Variants in SMAD3 observed in about 807,000 individuals in gnomAD.
The protein encoded by SMAD3 is SMAD family member 3.
Under a neutral mutation model 51.8 loss-of-function variants are expected in SMAD3, and 12 were observed. The ratio of observed to expected loss-of-function variants is 0.23; its 90% confidence interval spans 0.15 to 0.38. The LOEUF (loss-of-function observed/expected upper bound fraction) is 0.38, where lower values mean the gene tolerates loss of function less well. Ranked by LOEUF, SMAD3 falls within the 10% of genes least tolerant of loss-of-function variation. The pLI is 1.00. For missense variants in SMAD3, 294 were observed against 565.6 expected, an observed-to-expected ratio of 0.52 and a Z score of 4.87; for synonymous variants, 238 against 227.7, an observed-to-expected ratio of 1.05 and a Z score of -0.41.
At chr15:67,074,344 A>T (rs1960121250) in intron 1 of SMAD3, among the ~76,000 whole-genome samples, 1 of 152,266 alleles carries the variant, frequency 6.6e-6, no homozygotes, top group South Asian at 2.1e-4. Context: ...ATGCCTAAAA[A>T]TGGTTAAATG....
chr15:67,130,297 C>T (rs576577859), intron 1 of SMAD3, among the ~76,000 whole-genome samples: 37 of 152,294 alleles, frequency 2.4e-4, no homozygotes, highest in African/African-American at 8.2e-4. Context: ...TACTAGGTGC[C>T]TTCCACTCAC....
chr15:67,190,431 T>C lies in SMAD3; in HGVS notation c.1173T>C (p.Ser391=). 6.2e-7 allele frequency: 1 copy of C among 1,614,090 alleles called. No individual in the cohort carries two copies. The highest frequency in any genetic ancestry group is 2.2e-5 in the East Asian group (1 of 44,852). Residue 391 remains serine, a synonymous_variant, in exon 9 of 9, where the codon AGT becomes AGC. Transcript: ENST00000327367. ...CTTACAGGAGACAGACTGTGACCAGTACCCCCTGCTGGATTGAGCTGCACC... is the reference window on the plus strand; with the variant it reads ...CTTACAGGAGACAGACTGTGACCAGCACCCCCTGCTGGATTGAGCTGCACC... ...GAEYRRQTVT[S]TPCWIELHLN...
chr15:67,170,791 G>C lies in SMAD3; in HGVS notation c.658+187G>C. ...CACGGAATGGGGAAACTTGAGAACA[G>C]TGGTGGCAGGAAAGACAACCATATG... On this transcript the variant is annotated intron_variant, in intron 5 of 8. Coordinates refer to ENST00000327367, the MANE Select transcript of SMAD3 (RefSeq NM_005902.4). The C allele has an allele frequency of 8.5e-6, 5 of 585,980 alleles. No individual in the cohort carries two copies. The South Asian group carries it at 1.0e-4, about 12-fold the overall frequency. 36.3% of individuals were successfully genotyped at this position (585,980 alleles called of 1,614,324 possible). A position where few individuals can be genotyped will look rare whatever the true frequency, so the allele number is the denominator to read the frequency against.
chr15:67,176,796 CA>C (rs1251460863), intron 5 of SMAD3, among the ~76,000 whole-genome samples: 1 of 152,198 alleles, frequency 6.6e-6, no homozygotes, highest in Admixed American at 6.5e-5. Flanking sequence ...GGGGGATCCA[CA>C]AAGGCTGGAG....
intron 1 of SMAD3, among the ~76,000 whole-genome samples, chr15:67,124,117 A>G (rs761227377): frequency 3.9e-5 from 6 of 152,176 alleles, no homozygotes; most frequent in Non-Finnish European, 8.8e-5. Context: ...CCTCCTGATT[A>G]GCTGGGACTA....
Position 67,187,400 on chromosome 15 carries a change from G to A in SMAD3, c.1045G>A (p.Ala349Thr), listed in dbSNP as rs1963249175. Reference protein sequence around the residue: ...NLKIFNNQEFAALLAQSVNQG... With the variant: ...NLKIFNNQEFTALLAQSVNQG... ...GAAGATCTTCAACAACCAGGAGTTC[G>A]CTGCCCTCCTGGCCCAGTCGGTCAA... The change falls in exon 8 of 9, where the codon GCT becomes ACT. Residue 349 changes from alanine (A) to threonine (T), a missense_variant. Coordinates refer to ENST00000327367, the MANE Select transcript of SMAD3 (RefSeq NM_005902.4). 2 of 1,614,148 alleles carry A rather than the reference G, an allele frequency of 1.2e-6. No individual in the cohort carries two copies. Among genetic ancestry groups the A allele is most frequent in the Non-Finnish European group, 1.7e-6 (2 of 1,180,022 alleles).
At chr15:67,155,857 C>T (rs540375046) in intron 1 of SMAD3, among the ~76,000 whole-genome samples, 16 of 151,916 alleles carry the variant, frequency 1.1e-4, no homozygotes, top group African/African-American at 2.2e-4. Context: ...TGTGGTGGTG[C>T]GCACCTATAA....
intron 1 of SMAD3, among the ~76,000 whole-genome samples, chr15:67,101,743 G>A (rs1258030571): frequency 1.3e-5 from 2 of 152,202 alleles, no homozygotes; most frequent in African/African-American, 4.8e-5. Context: ...GTGACCTAAA[G>A]GTTGTTCACA....
chr15:67,121,775 G>T (rs953012501), intron 1 of SMAD3, among the ~76,000 whole-genome samples: 1 of 151,550 alleles, frequency 6.6e-6, no homozygotes, highest in Non-Finnish European at 1.5e-5. Context: ...AGGAAATTTT[G>T]CTTAAAAAAA....
At chr15:67,108,982 C>T (rs1960941745) in intron 1 of SMAD3, among the ~76,000 whole-genome samples, 1 of 152,162 alleles carries the variant, frequency 6.6e-6, no homozygotes, top group East Asian at 1.9e-4. Flanking sequence ...TTGAAATAGG[C>T]TTAATTTTCC....
At chr15:67,183,000 A>ATATATATATATAT (rs1555413789) in intron 6 of SMAD3, among the ~76,000 whole-genome samples, 1 of 43,644 alleles carries the variant, frequency 2.3e-5, no homozygotes, top group Non-Finnish European at 3.6e-5. Flanking sequence ...AAAAAAAAAA[A>ATATATATATATAT]ATATATATAT....
chr15:67,148,950 T>C (rs1304759574), intron 1 of SMAD3, among the ~76,000 whole-genome samples: 3 of 152,000 alleles, frequency 2.0e-5, no homozygotes, highest in East Asian at 3.8e-4. Context: ...CCTGGCACAG[T>C]TGGGAAGGGA....
intron 1 of SMAD3, chr15:67,098,843 G>A (rs1408016554): frequency 5.7e-6 from 4 of 700,572 alleles, no homozygotes; most frequent in Non-Finnish European, 1.0e-5. Flanking sequence ...CTCAGCTGGG[G>A]GATTTGGGGA....
chr15:67,069,140 C>T (rs1959993722), intron 1 of SMAD3, among the ~76,000 whole-genome samples: 1 of 152,124 alleles, frequency 6.6e-6, no homozygotes, highest in South Asian at 2.1e-4. Context: ...ACTTCCAGAC[C>T]ACAGGCTTGC....
Position 67,140,157 on chromosome 15 carries a change from G to T in SMAD3, c.207-24738G>T, listed in dbSNP as rs181326072. 3.0e-3 allele frequency among the ~76,000 whole-genome samples: 454 copies of T among 152,024 alleles called. 5 individuals carry two copies. The highest frequency in any genetic ancestry group is 0.011 in the African/African-American group (436 of 41,488). On this transcript the variant is annotated intron_variant, in intron 1 of 8. Transcript: ENST00000327367. ...AAGAGAAAGAAAAGTGAATGTGTTT[G>T]CTGGAAGCTGTGCTTGATTAAGTGA...
Position 67,181,338 on chromosome 15 carries a change from G to A in SMAD3, c.756G>A (p.Gln252=), listed in dbSNP as rs1278345256. 6.8e-6 allele frequency: 11 copies of A among 1,614,140 alleles called. No homozygotes were observed. The highest frequency in any genetic ancestry group is 1.7e-5 in the Admixed American group (1 of 60,026). ...QRVGETFHAS[Q]PSMTVDGFTD... is the part of the protein sequence containing the mutation. ...TCGGGGAGACATTCCACGCCTCGCA[G>A]CCATCCATGACTGTGGATGGCTTCA... is the stretch of plus-strand genomic sequence containing the variant. Residue 252 remains glutamine (Q), a synonymous_variant, in exon 6 of 9, where the codon CAG becomes CAA. Coordinates refer to ENST00000327367, the MANE Select transcript of SMAD3 (RefSeq NM_005902.4).
At chr15:67,121,506 G>A (rs1009670308) in intron 1 of SMAD3, among the ~76,000 whole-genome samples, 2 of 152,194 alleles carry the variant, frequency 1.3e-5, no homozygotes, top group African/African-American at 2.4e-5. Flanking sequence ...CTGGGAGGAC[G>A]GGAGGTTTTG....
intron 4 of SMAD3, among the ~76,000 whole-genome samples, chr15:67,167,472 G>A (rs4776343): frequency 0.055 from 8,358 of 152,236 alleles, 304 homozygotes; most frequent in Admixed American, 0.096. Flanking sequence ...GATGGGAACC[G>A]CTGCAGGCTG....
At chr15:67,157,360 C>T (rs1386248676) in intron 1 of SMAD3, among the ~76,000 whole-genome samples, 2 of 152,192 alleles carry the variant, frequency 1.3e-5, no homozygotes, top group Non-Finnish European at 2.9e-5. Context: ...CATGGGATGA[C>T]AGAAAAAGCG....
Sources: allele counts gnomAD v4.1 joint callset (sites outside exome capture counted in the v4.1 genomes callset), GRCh38; gene constraint gnomAD v4.1.1; transcripts MANE v1.5; gene names NCBI Gene and HGNC (gene_info 2026-07-23, HGNC 2026-07-21).